Variants in MRPL30 observed in about 807,000 individuals in gnomAD.
MRPL30 encodes large ribosomal subunit protein uL30m.
A neutral mutation model predicts 17.2 loss-of-function variants in MRPL30; 10 were observed. That is an observed-to-expected ratio of 0.58 (90% CI 0.36 to 0.99). MRPL30 has a LOEUF of 0.99. MRPL30 is among the 50% of genes least tolerant of loss of function. The pLI, the probability that MRPL30 is intolerant of heterozygous loss-of-function variation, is 0.01. For missense variants in MRPL30, 170 were observed against 189.8 expected (o/e 0.90, Z 0.61); for synonymous variants, 61 against 62.1 (o/e 0.98, Z 0.08).
intron 1 of MRPL30, among the ~76,000 whole-genome samples, chr2:99,181,630 A>T (rs1198891025): frequency 6.6e-6 from 1 of 152,022 alleles, no homozygotes; most frequent in Non-Finnish European, 1.5e-5. Context: ...TGAAGACAGA[A>T]AATTGCCTTT....
At chr2:99,190,472 A>T (rs966305578) in intron 3 of MRPL30, among the ~76,000 whole-genome samples, 1 of 151,862 alleles carries the variant, frequency 6.6e-6, no homozygotes, top group Non-Finnish European at 1.5e-5. Context: ...AGATGAGAGG[A>T]TCACTTTAGC....
rs2093959707 is a variant in MRPL30, at chr2:99,199,305, C to T, written c.*3600C>T. On this transcript the variant is annotated 3_prime_UTR_variant, in exon 6 of 6. Transcript: ENST00000338148. ...TGTATATTTGTCAAAATCTGCTTTT[C>T]TATATCAAAACTTTTCTCTCAAGAC... 6.6e-6 allele frequency among the ~76,000 whole-genome samples: 1 copy of T among 152,106 alleles called. No individual in the cohort carries two copies. The highest frequency in any genetic ancestry group is 2.1e-4 in the South Asian group (1 of 4,826).
chr2:99,194,917 A>G lies in MRPL30; in HGVS notation c.279+20A>G, dbSNP rs533030625. On this transcript the variant is annotated intron_variant, in intron 4 of 5. Coordinates refer to ENST00000338148, the MANE Select transcript of MRPL30 (RefSeq NM_145212.4). ...GAAAAAGTATGCAATTATTTTAATC[A>G]TCTTTAGTGTTGTTTACATTGCTTT... 13 of 1,545,222 alleles carry G rather than the reference A, an allele frequency of 8.4e-6. No individual in the cohort carries two copies. In the East Asian group the frequency reaches 2.5e-4, roughly 30 times the overall value.
At chr2:99,194,716 T>C (rs779971970) in intron 3 of MRPL30, 35 bp from the exon 4 acceptor site, 3 of 1,555,110 alleles carry the variant, frequency 1.9e-6, no homozygotes, top group South Asian at 2.5e-5. Context: ...CTGTGTAAGT[T>C]GGAAATTTAC....
chr2:99,195,036 C>A, intron 4 of MRPL30, 80 bp from the exon 5 acceptor site: 1 of 1,408,780 alleles, frequency 7.1e-7, no homozygotes, highest in Non-Finnish European at 9.6e-7. Flanking sequence ...TAGAATGAAC[C>A]TTCAATTTAA....
chr2:99,188,446 T>C (rs2093938046), intron 3 of MRPL30, among the ~76,000 whole-genome samples, 189 bp downstream of exon 3: 1 of 152,186 alleles, frequency 6.6e-6, no homozygotes, highest in Admixed American at 6.5e-5. Flanking sequence ...CTGTCACTTG[T>C]GTCACTGGCC....
intron 1 of MRPL30, among the ~76,000 whole-genome samples, chr2:99,184,265 C>A (rs1357634760): frequency 2.0e-5 from 3 of 152,128 alleles, no homozygotes; most frequent in Non-Finnish European, 2.9e-5. Context: ...CATAATCAGC[C>A]ATTTCTCAAA....
chr2:99,195,198 T>C lies in MRPL30; in HGVS notation c.353+9T>C, dbSNP rs548609283. 1 of 1,594,868 alleles carries C rather than the reference T, an allele frequency of 6.3e-7. No individual in the cohort carries two copies. Among genetic ancestry groups the C allele is most frequent in the African/African-American group, 1.3e-5 (1 of 74,420 alleles). The stretch of plus-strand genomic sequence containing the variant: ...GTTAAGCATTTGATAAGGTTTGTTG[T>C]TTCTTCTCAGCTCTTTTTAAAATGT... On this transcript the variant is annotated intron_variant, in intron 5 of 5. Transcript: ENST00000338148.
chr2:99,186,630 T>G (rs937341237), intron 2 of MRPL30, among the ~76,000 whole-genome samples: 1 of 152,214 alleles, frequency 6.6e-6, no homozygotes, highest in Non-Finnish European at 1.5e-5. Context: ...TCGAAATGGT[T>G]TAGATATTGA....
rs1233507347 is a variant in MRPL30, at chr2:99,198,495, G to GT, written c.*2791dup. Among the ~76,000 whole-genome samples, 1 of 152,148 alleles carries GT rather than the reference G, an allele frequency of 6.6e-6. No homozygotes were observed. Among genetic ancestry groups the GT allele is most frequent in the South Asian group, 2.1e-4 (1 of 4,830 alleles). Reference sequence around the variant, plus strand: ...TCAAATAAATGCAATCATGTGCCTCGTGTCACCTTTTTTGCATTCCATTCA... The same window carrying GT: ...TCAAATAAATGCAATCATGTGCCTCGTTGTCACCTTTTTTGCATTCCATTCA... On this transcript the variant is annotated 3_prime_UTR_variant, in exon 6 of 6. Transcript: ENST00000338148.
In MRPL30 at chr2:99,195,535, G is replaced by A. The variant is rs200383885; in HGVS notation, c.354-38G>A. ...CTGCGGGGATATAGAACGCTAGAACGTATTCCTCCTATCTAAACGCATTTT... is the reference window on the plus strand; with the variant it reads ...CTGCGGGGATATAGAACGCTAGAACATATTCCTCCTATCTAAACGCATTTT... On this transcript the variant is annotated intron_variant, in intron 5 of 5. Coordinates refer to ENST00000338148, the MANE Select transcript of MRPL30 (RefSeq NM_145212.4). 2,578 of 1,578,602 alleles carry A rather than the reference G, an allele frequency of 1.6e-3. 5 individuals are homozygous for A. The highest frequency in any genetic ancestry group is 2.0e-3 in the Non-Finnish European group (2,303 of 1,167,920).
intron 3 of MRPL30, among the ~76,000 whole-genome samples, chr2:99,188,479 A>G (rs903977188): frequency 6.6e-6 from 1 of 152,090 alleles, no homozygotes; most frequent in Non-Finnish European, 1.5e-5. Context: ...GGTTTTTATT[A>G]TTTCAGTCTA....
At chr2:99,192,349 T>C (rs369336898) in intron 3 of MRPL30, among the ~76,000 whole-genome samples, 1 of 152,180 alleles carries the variant, frequency 6.6e-6, no homozygotes, top group East Asian at 1.9e-4. Flanking sequence ...CATGGTGGTT[T>C]GCTGCACCTA....
rs933284236 is a variant in MRPL30, at chr2:99,195,451, C to T, written c.354-122C>T. On this transcript the variant is annotated intron_variant, in intron 5 of 5. Coordinates refer to ENST00000338148, the MANE Select transcript of MRPL30 (RefSeq NM_145212.4). ...ATTTACCATTTCTTCATGTTGGGAA[C>T]ATTCAACATCCTCCTCCTAGCTATT... The T allele has an allele frequency of 2.1e-5, 24 of 1,156,156 alleles. No homozygotes were observed. In the Middle Eastern group the frequency reaches 6.1e-4, roughly 29 times the overall value. The allele number at this position is 1,156,156 out of a possible 1,614,324, so 71.6% of individuals were successfully genotyped here. A position where few individuals can be genotyped will look rare whatever the true frequency, so the allele number is the denominator to read the frequency against.
At chr2:99,193,847 G>A (rs760723430) in intron 3 of MRPL30, among the ~76,000 whole-genome samples, 19 of 152,120 alleles carry the variant, frequency 1.2e-4, no homozygotes, top group African/African-American at 2.2e-4. Context: ...GACCAGCCTG[G>A]CCAACATGGT....
At chr2:99,194,924 G>A (rs759312382) in intron 4 of MRPL30, 27 bp downstream of exon 4, 2 of 1,533,676 alleles carry the variant, frequency 1.3e-6, no homozygotes, top group Non-Finnish European at 1.8e-6. Context: ...ATCATCTTTA[G>A]TGTTGTTTAC....
intron 2 of MRPL30, among the ~76,000 whole-genome samples, chr2:99,187,648 A>G (rs1469819218): frequency 3.3e-5 from 5 of 152,082 alleles, no homozygotes; most frequent in Non-Finnish European, 7.4e-5. Context: ...ACACGGTGAA[A>G]CCCTATCTCT....
intron 1 of MRPL30, among the ~76,000 whole-genome samples, chr2:99,185,336 C>T (rs928343800): frequency 9.2e-5 from 14 of 152,132 alleles, no homozygotes; most frequent in Non-Finnish European, 1.8e-4. Context: ...ATAAAAGCTA[C>T]TATTTATTGA....
intron 1 of MRPL30, 74 bp from the exon 2 acceptor site, chr2:99,186,103 A>T: frequency 1.0e-6 from 1 of 965,804 alleles, no homozygotes; most frequent in Non-Finnish European, 1.6e-6. Context: ...TTAGTTTTTT[A>T]ATACTAGAGA....
Sources: gnomAD v4.1 joint callset for allele counts (sites outside exome capture counted in the v4.1 genomes callset) on GRCh38, gnomAD v4.1.1 for gene constraint, MANE v1.5 for transcripts, NCBI Gene and HGNC (gene_info 2026-07-23, HGNC 2026-07-21) for gene names.